Variants in BRD10 observed in about 807,000 individuals in gnomAD.
BRD10 encodes uncharacterized bromodomain-containing protein 10.
chr9:5,933,769 C>T, the BRD10 span: 18 of 470,940 alleles, frequency 3.8e-5, 1 homozygote, highest in Middle Eastern at 3.2e-4. Context: ...TAAAGAACAA[C>T]TGCATTCTGC....
At chr9:5,982,774 T>C in the BRD10 span, among the ~76,000 whole-genome samples, 1 of 152,172 alleles carries the variant, frequency 6.6e-6, no homozygotes, top group African/African-American at 2.4e-5. Context: ...AAGGCAGTTT[T>C]TAGACTATGA....
chr9:5,951,045 C>CGT, the BRD10 span, among the ~76,000 whole-genome samples: 1 of 135,212 alleles, frequency 7.4e-6, no homozygotes, highest in African/African-American at 3.3e-5. Flanking sequence ...TACACACACA[C>CGT]ACACACACAC....
chr9:5,986,799 A>G, the BRD10 span, among the ~76,000 whole-genome samples: 5 of 152,204 alleles, frequency 3.3e-5, no homozygotes, highest in Non-Finnish European at 7.3e-5. Flanking sequence ...CAGGGCACAC[A>G]TAGATTGATT....
At chr9:5,920,356 G>T in the BRD10 span, 1 of 1,613,800 alleles carries the variant, frequency 6.2e-7, no homozygotes, top group South Asian at 1.1e-5. Flanking sequence ...AAGGTGTACT[G>T]GTATTGATGA....
At chr9:5,990,352 G>A in the BRD10 span, among the ~76,000 whole-genome samples, 8 of 152,100 alleles carry the variant, frequency 5.3e-5, no homozygotes, top group African/African-American at 1.9e-4. Context: ...GGACAATATT[G>A]CATTGAAAAA....
At chr9:5,957,360 T>C in the BRD10 span, among the ~76,000 whole-genome samples, 2 of 152,164 alleles carry the variant, frequency 1.3e-5, no homozygotes, top group South Asian at 2.1e-4. Context: ...TGCACAAATA[T>C]CTTAAGTTAC....
At chr9:5,897,891 G>A in the BRD10 span, among the ~76,000 whole-genome samples, 10 of 152,170 alleles carry the variant, frequency 6.6e-5, no homozygotes, top group South Asian at 2.1e-4. Flanking sequence ...AACATAATAC[G>A]AGAGACTGTA....
At chr9:5,995,087 G>A in the BRD10 span, among the ~76,000 whole-genome samples, 1 of 152,020 alleles carries the variant, frequency 6.6e-6, no homozygotes, top group Non-Finnish European at 1.5e-5. Flanking sequence ...TTTCAATAGA[G>A]ACGGGGTTTC....
At chr9:5,901,378 A>G in the BRD10 span, among the ~76,000 whole-genome samples, 2 of 152,176 alleles carry the variant, frequency 1.3e-5, no homozygotes, top group Non-Finnish European at 2.9e-5. Flanking sequence ...AAACTTGAGT[A>G]AGTTTCCCTT....
the BRD10 span, chr9:6,007,195 C>A: frequency 3.1e-6 from 5 of 1,610,746 alleles, no homozygotes; most frequent in African/African-American, 6.7e-5. Flanking sequence ...GCTCGCTTAC[C>A]GAGAGAGAAG....
chr9:5,944,383 A>C, the BRD10 span, among the ~76,000 whole-genome samples: 18 of 151,094 alleles, frequency 1.2e-4, no homozygotes, highest in East Asian at 3.5e-3. Context: ...ATATAGTGAA[A>C]GTTAAAAAAA....
chr9:5,928,260 ATCCTAG>A, the BRD10 span, among the ~76,000 whole-genome samples: 2 of 152,102 alleles, frequency 1.3e-5, no homozygotes, highest in Non-Finnish European at 2.9e-5. Flanking sequence ...CACTGCTACT[ATCCTAG>A]TCCAAGCCTC....
At chr9:5,942,939 A>C in the BRD10 span, among the ~76,000 whole-genome samples, 1 of 152,114 alleles carries the variant, frequency 6.6e-6, no homozygotes, top group Non-Finnish European at 1.5e-5. Context: ...ACGCAGTGGC[A>C]TGATCACAGC....
the BRD10 span, among the ~76,000 whole-genome samples, chr9:5,885,265 G>A: frequency 6.6e-6 from 1 of 152,202 alleles, no homozygotes; most frequent in Non-Finnish European, 1.5e-5. Flanking sequence ...TCACCCCAAG[G>A]ACTGGGCACC....
At chr9:5,920,312 G>A in the BRD10 span, 1 of 1,613,952 alleles carries the variant, frequency 6.2e-7, no homozygotes, top group South Asian at 1.1e-5. Context: ...AATAAACCGG[G>A]TTCCGTTAAT....
the BRD10 span, among the ~76,000 whole-genome samples, chr9:5,981,560 T>C: frequency 6.6e-6 from 1 of 152,194 alleles, no homozygotes; most frequent in African/African-American, 2.4e-5. Context: ...TATCTATCTA[T>C]CTATCTATCC....
the BRD10 span, among the ~76,000 whole-genome samples, chr9:5,913,679 T>C: frequency 6.6e-6 from 1 of 152,152 alleles, no homozygotes; most frequent in African/African-American, 2.4e-5. Context: ...TGATGGCAAC[T>C]TGAAATCAGA....
At chr9:5,924,679 C>G in the BRD10 span, 1 of 1,514,304 alleles carries the variant, frequency 6.6e-7, no homozygotes, top group Non-Finnish European at 8.9e-7. Context: ...TGATCTTTCT[C>G]CAGGATATCC....
At chr9:5,881,793 TATC>T in the BRD10 span, 1 of 152,234 alleles carries the variant, frequency 6.6e-6, no homozygotes, top group African/African-American at 2.4e-5. Flanking sequence ...AGTGTTGAAA[TATC>T]ATCCTGATTT....
Sources: gnomAD v4.1 joint callset for allele counts (sites outside exome capture counted in the v4.1 genomes callset) on GRCh38, gnomAD v4.1.1 for gene constraint, MANE v1.5 for transcripts, NCBI Gene and HGNC (gene_info 2026-07-23, HGNC 2026-07-21) for gene names.